The following NEK7 variants were observed in gnomAD, a reference collection of about 807,000 sequenced individuals.
NEK7 encodes serine/threonine-protein kinase Nek7.
NEK7 carries 18 observed loss-of-function variants against 44.6 expected under a neutral mutation model. That is an observed-to-expected ratio of 0.40 (90% CI 0.28 to 0.60). The LOEUF (loss-of-function observed/expected upper bound fraction) is 0.60. NEK7 is among the 20% of genes least tolerant of loss of function. NEK7 has a pLI of 0.38. For synonymous variants in NEK7, 130 were observed against 121.1 expected (o/e 1.07, Z -0.48); for missense variants, 256 against 366.5 (o/e 0.70, Z 2.46).
intron 9 of NEK7, among the ~76,000 whole-genome samples, chr1:198,312,003 A>C (rs2103036996): frequency 6.6e-6 from 1 of 152,342 alleles, no homozygotes; most frequent in Admixed American, 6.5e-5. Context: ...GAATAGTTTC[A>C]GAAGGAATGG....
chr1:198,158,683 G>T (rs1217487722), intron 1 of NEK7, among the ~76,000 whole-genome samples: 2 of 152,208 alleles, frequency 1.3e-5, no homozygotes, highest in Non-Finnish European at 2.9e-5. Context: ...AACTCTTGTT[G>T]AATGGCCGCT....
In NEK7 at chr1:198,320,955, T is replaced by C. The variant is rs1395982263; in HGVS notation, c.*1433T>C. 6.6e-6 allele frequency: 1 copy of C among 152,302 alleles called. No homozygotes were observed. Among genetic ancestry groups the C allele is most frequent in the African/African-American group, 2.4e-5 (1 of 41,454 alleles). 9.4% of individuals were successfully genotyped at this position (152,302 alleles called of 1,614,324 possible). On this transcript the variant is annotated 3_prime_UTR_variant, in exon 10 of 10. Transcript: ENST00000367385. ...GTGTTTTCCCTGAATGCTTTCGTAT[T>C]AGTGGCGACCAGTTTCTCACAGAAT...
intron 2 of NEK7, among the ~76,000 whole-genome samples, chr1:198,244,553 C>T (rs775677113): frequency 6.6e-6 from 1 of 152,094 alleles, no homozygotes; most frequent in Non-Finnish European, 1.5e-5. Flanking sequence ...TCAGTAAACA[C>T]AGACTGATAC....
intron 1 of NEK7, among the ~76,000 whole-genome samples, chr1:198,182,757 ATTTG>A (rs1436708336): frequency 6.6e-6 from 1 of 152,092 alleles, no homozygotes; most frequent in Non-Finnish European, 1.5e-5. Flanking sequence ...GATTACAGTT[ATTTG>A]TTGTACTCTG....
chr1:198,169,718 C>T (rs1457637970), intron 1 of NEK7, among the ~76,000 whole-genome samples: 1 of 151,970 alleles, frequency 6.6e-6, no homozygotes, highest in South Asian at 2.1e-4. Context: ...AATCTTTATC[C>T]TTTAAGGCCC....
chr1:198,269,627 G>C (rs2102963457), intron 5 of NEK7, among the ~76,000 whole-genome samples: 1 of 152,128 alleles, frequency 6.6e-6, no homozygotes, highest in East Asian at 1.9e-4. Context: ...ATTCTCTCAA[G>C]TCTTCAGCTT....
chr1:198,181,615 C>T (rs972779220), intron 1 of NEK7, among the ~76,000 whole-genome samples: 2 of 151,960 alleles, frequency 1.3e-5, no homozygotes, highest in Non-Finnish European at 2.9e-5. Flanking sequence ...CAGTGCTTTT[C>T]CCCCCATGTT....
intron 9 of NEK7, 99 bp downstream of exon 9, chr1:198,297,339 G>A (rs1362180780): frequency 2.1e-6 from 3 of 1,443,766 alleles, no homozygotes; most frequent in South Asian, 2.4e-5. Context: ...AAAATGAATG[G>A]TATAGGTAGC....
intron 1 of NEK7, among the ~76,000 whole-genome samples, chr1:198,228,280 A>G (rs1382016486): frequency 1.3e-5 from 2 of 152,208 alleles, no homozygotes; most frequent in African/African-American, 2.4e-5. Flanking sequence ...GCCTTGTAGT[A>G]TAGTTTGAAG....
chr1:198,225,431 G>A (rs562468343), intron 1 of NEK7, among the ~76,000 whole-genome samples: 33 of 152,012 alleles, frequency 2.2e-4, no homozygotes, highest in African/African-American at 3.1e-4. Flanking sequence ...GATGGCTCTC[G>A]TCATCTCTTG....
chr1:198,231,150 A>G (rs1436200022), intron 1 of NEK7, among the ~76,000 whole-genome samples: 2 of 149,744 alleles, frequency 1.3e-5, no homozygotes, highest in African/African-American at 5.0e-5. Context: ...TTTTATATAG[A>G]GTAGTAATAG....
At chr1:198,213,115 G>C (rs1665823842) in intron 1 of NEK7, among the ~76,000 whole-genome samples, 1 of 152,222 alleles carries the variant, frequency 6.6e-6, no homozygotes, top group African/African-American at 2.4e-5. Flanking sequence ...ATTCCTTGCA[G>C]ATATTCCACA....
chr1:198,187,502 CTG>C (rs1664955734), intron 1 of NEK7, among the ~76,000 whole-genome samples: 1 of 152,114 alleles, frequency 6.6e-6, no homozygotes, highest in South Asian at 2.1e-4. Flanking sequence ...CTCAGTAAAT[CTG>C]TTTTGGAACC....
At chr1:198,248,330 A>G (rs1304396777) in intron 2 of NEK7, among the ~76,000 whole-genome samples, 1 of 152,244 alleles carries the variant, frequency 6.6e-6, no homozygotes, top group Non-Finnish European at 1.5e-5. Flanking sequence ...TGTTTACCCC[A>G]TAACTGAAGA....
At chr1:198,222,704 G>T (rs1236326399) in intron 1 of NEK7, among the ~76,000 whole-genome samples, 2 of 152,086 alleles carry the variant, frequency 1.3e-5, no homozygotes, top group South Asian at 4.1e-4. Flanking sequence ...TTTATCGAGT[G>T]TCCATTATAT....
At chr1:198,169,744 C>T (rs776866901) in intron 1 of NEK7, among the ~76,000 whole-genome samples, 17 of 152,098 alleles carry the variant, frequency 1.1e-4, no homozygotes, top group South Asian at 8.3e-4. Flanking sequence ...AAGTACTATA[C>T]AAAAAAATAC....
chr1:198,213,687 C>T (rs767048166), intron 1 of NEK7, among the ~76,000 whole-genome samples: 24 of 152,204 alleles, frequency 1.6e-4, no homozygotes, highest in Non-Finnish European at 2.8e-4. Context: ...GGAGGTGGGT[C>T]GCTTTCCTGC....
chr1:198,299,450 A>G (rs1338026947), intron 9 of NEK7, among the ~76,000 whole-genome samples: 1 of 152,088 alleles, frequency 6.6e-6, no homozygotes, highest in Non-Finnish European at 1.5e-5. Flanking sequence ...GGCTTTTTAG[A>G]TCTTTTAAAA....
chr1:198,238,784 G>A (rs1666607443), intron 2 of NEK7, among the ~76,000 whole-genome samples: 1 of 152,174 alleles, frequency 6.6e-6, no homozygotes, highest in Non-Finnish European at 1.5e-5. Context: ...AGCTTTCACA[G>A]AGAAATCTCA....
Sources: gnomAD v4.1 joint callset for allele counts (sites outside exome capture counted in the v4.1 genomes callset) on GRCh38, gnomAD v4.1.1 for gene constraint, MANE v1.5 for transcripts, NCBI Gene and HGNC (gene_info 2026-07-23, HGNC 2026-07-21) for gene names.